Variants in MS4A6E observed in about 807,000 individuals in gnomAD.
MS4A6E encodes the protein membrane-spanning 4-domains subfamily A member 6E.
Under a neutral mutation model 13.2 loss-of-function variants are expected in MS4A6E, and 8 were observed. The observed-to-expected ratio is 0.60, with a 90% CI of 0.35 to 1.09. The LOEUF is 1.09. Among genes scored for constraint, MS4A6E ranks in the 50% least tolerant of loss-of-function variants. The probability of loss-of-function intolerance (pLI) is 0.02; values close to 1 mark genes in which losing one functional copy is unlikely to be tolerated. For missense variants in MS4A6E, 177 were observed against 171.1 expected, an observed-to-expected ratio of 1.03 and a Z score of -0.19; for synonymous variants, 72 against 67.6, an observed-to-expected ratio of 1.06 and a Z score of -0.32.
At chr11:60,336,659 A>C (rs1188297770) in intron 2 of MS4A6E, among the ~76,000 whole-genome samples, 2 of 152,216 alleles carry the variant, frequency 1.3e-5, no homozygotes, top group African/African-American at 4.8e-5. Flanking sequence ...TAGGAGGCCC[A>C]GGAGTGTACA....
intron 1 of MS4A6E, among the ~76,000 whole-genome samples, chr11:60,331,767 T>C (rs1170375364): frequency 1.3e-5 from 2 of 152,174 alleles, no homozygotes; most frequent in Non-Finnish European, 2.9e-5. Flanking sequence ...CCTAAAGTGA[T>C]GGTATTAAAA....
At chr11:60,343,663 C>T (rs1590778245), downstream of MS4A6E, among the ~76,000 whole-genome samples, 2 of 152,266 alleles carry the variant, frequency 1.3e-5, no homozygotes, top group Admixed American at 1.3e-4. Flanking sequence ...CTGCGAATCT[C>T]GAGAGGAAAT....
In MS4A6E at chr11:60,334,872, T is replaced by C; in HGVS notation, c.-14-10T>C. The C allele has an allele frequency of 2.5e-6, 4 of 1,611,888 alleles. No homozygotes were observed. The highest frequency in any genetic ancestry group is 3.4e-6 in the Non-Finnish European group (4 of 1,178,644). On this transcript the variant is annotated splice_polypyrimidine_tract_variant and intron_variant, in intron 1 of 4. Transcript: ENST00000684409. ...ACTTTTAAGAGCTAAATCTATTTTTTCTTCCGTAGTTGGCAACACCATTAT... is the reference window on the plus strand; with the variant it reads ...ACTTTTAAGAGCTAAATCTATTTTTCCTTCCGTAGTTGGCAACACCATTAT...
intron 2 of MS4A6E, among the ~76,000 whole-genome samples, chr11:60,336,701 C>A (rs770039723): frequency 5.3e-4 from 80 of 152,238 alleles, no homozygotes; most frequent in Non-Finnish European, 5.7e-4. Context: ...ATTGGGGTCC[C>A]AGAGCATCAA....
Position 60,337,842 on chromosome 11 carries a change from G to T in MS4A6E, c.249G>T (p.Leu83Phe), listed in dbSNP as rs1382570884. Residue 83 changes from leucine to phenylalanine, a missense_variant, in exon 3 of 5, where the codon TTG becomes TTT. Leu to Phe is a conservative substitution (Grantham distance 22). Coordinates refer to ENST00000684409, the MANE Select transcript of MS4A6E (RefSeq NM_139249.4). ...CGGCTGCATTAAATCCTGCCTCATT[G>T]CAGTGTAAGTTGGACGAAAAGGATA... Reference protein sequence around the residue: ...VNPAALNPASLQCKLDEKDIP... With the variant: ...VNPAALNPASFQCKLDEKDIP... 6.2e-7 allele frequency: 1 copy of T among 1,614,118 alleles called. No homozygotes were observed. Among genetic ancestry groups the T allele is most frequent in the Admixed American group, 1.7e-5 (1 of 60,022 alleles).
chr11:60,331,457 T>C (rs1565155154), intron 1 of MS4A6E, among the ~76,000 whole-genome samples: 1 of 152,194 alleles, frequency 6.6e-6, no homozygotes, highest in Non-Finnish European at 1.5e-5. Context: ...ATTTTGCATT[T>C]ATTTTAGTCT....
At chr11:60,327,458 G>C (rs2085126841) in intron 1 of MS4A6E, among the ~76,000 whole-genome samples, 50 bp downstream of exon 1, 1 of 152,182 alleles carries the variant, frequency 6.6e-6, no homozygotes, top group South Asian at 2.1e-4. Flanking sequence ...GTGGTATTCT[G>C]TTATAGCAGC....
downstream of MS4A6E, among the ~76,000 whole-genome samples, chr11:60,344,148 T>C (rs4939342): frequency 0.34 from 51,637 of 152,064 alleles, 9,673 homozygotes; most frequent in African/African-American, 0.51. Flanking sequence ...CATACAGCAT[T>C]TTAAAAGGGC....
chr11:60,342,167 GTGTGTGTGTGTGAGAGAGAGA>G (rs2085229581), downstream of MS4A6E, among the ~76,000 whole-genome samples: 1 of 34,448 alleles, frequency 2.9e-5, no homozygotes, highest in African/African-American at 1.1e-4. Flanking sequence ...GTGTGTGTGT[GTGTGTGTGTGTGAGAGAGAGA>G]GAGAGAGAGA....
chr11:60,332,140 T>G (rs10897045), intron 1 of MS4A6E, among the ~76,000 whole-genome samples: 54,448 of 152,124 alleles, frequency 0.36, 10,267 homozygotes, highest in East Asian at 0.41. Flanking sequence ...GAATCAGTAG[T>G]CTTATGCTTT....
rs146691113 is a variant in MS4A6E at position 60,332,902 on chromosome 11, A to G, written c.-14-1980A>G. On this transcript the variant is annotated intron_variant, in intron 1 of 4. Transcript: ENST00000684409. ...CCGCATGCCCGCATAAATCAGTCAG[A>G]ACCAGATGACTCTTTCTAGCTGTTG... 3.3e-3 allele frequency among the ~76,000 whole-genome samples: 502 copies of G among 152,366 alleles called. 4 individuals carry two copies. The highest frequency in any genetic ancestry group is 0.012 in the African/African-American group (480 of 41,580).
At chr11:60,330,217 T>C (rs2085145686) in intron 1 of MS4A6E, among the ~76,000 whole-genome samples, 1 of 150,426 alleles carries the variant, frequency 6.6e-6, no homozygotes, top group Admixed American at 6.6e-5. Flanking sequence ...CTTTGTCAGA[T>C]GGATAGATTG....
intron 4 of MS4A6E, among the ~76,000 whole-genome samples, chr11:60,347,810 T>C (rs1438083947): frequency 6.6e-6 from 1 of 152,026 alleles, no homozygotes; most frequent in Non-Finnish European, 1.5e-5. Context: ...CAGCCCTAGT[T>C]CTCCGCTTCT....
At chr11:60,345,275 TG>T (rs1041394778), downstream of MS4A6E, among the ~76,000 whole-genome samples, 3 of 152,190 alleles carry the variant, frequency 2.0e-5, no homozygotes, top group African/African-American at 7.2e-5. Flanking sequence ...AGTAAGAAAG[TG>T]TCTTTCCTTC....
intron 4 of MS4A6E, among the ~76,000 whole-genome samples, chr11:60,347,915 A>C (rs2085263225): frequency 6.6e-6 from 1 of 152,180 alleles, no homozygotes; most frequent in Non-Finnish European, 1.5e-5. Flanking sequence ...TTTGGGCAAG[A>C]CTGCTTTAAT....
intron 2 of MS4A6E, 90 bp downstream of exon 2, chr11:60,335,132 G>A (rs2085180690): frequency 6.5e-7 from 1 of 1,535,816 alleles, no homozygotes; most frequent in Non-Finnish European, 8.8e-7. Context: ...TTGTGAGTGT[G>A]GAGACCCTTA....
chr11:60,348,537 C>A (rs1417365300), intron 4 of MS4A6E, among the ~76,000 whole-genome samples: 2 of 152,196 alleles, frequency 1.3e-5, no homozygotes, highest in Non-Finnish European at 2.9e-5. Flanking sequence ...ATGGCAGTCG[C>A]AGATGGAAAA....
At chr11:60,342,372 C>G (rs73477048), downstream of MS4A6E, among the ~76,000 whole-genome samples, 780 of 152,172 alleles carry the variant, frequency 5.1e-3, 9 homozygotes, top group African/African-American at 0.017. Flanking sequence ...AAATTGAAGA[C>G]ATGGACACAC....
At chr11:60,331,739 T>C (rs11230277) in intron 1 of MS4A6E, among the ~76,000 whole-genome samples, 54,423 of 152,096 alleles carry the variant, frequency 0.36, 10,265 homozygotes, top group East Asian at 0.41. Flanking sequence ...CCGAAATTCA[T>C]ATGTTAAAAT....
Sources: allele counts gnomAD v4.1 joint callset (sites outside exome capture counted in the v4.1 genomes callset), GRCh38; gene constraint gnomAD v4.1.1; transcripts MANE v1.5; gene names NCBI Gene and HGNC (gene_info 2026-07-23, HGNC 2026-07-21).